The following ST6GALNAC3 variants were observed in gnomAD, a reference collection of about 807,000 sequenced individuals.
ST6GALNAC3 encodes the protein ST6 N-acetylgalactosaminide alpha-2,6-sialyltransferase 3.
ST6GALNAC3 carries 25 observed loss-of-function variants against 32.7 expected under a neutral mutation model. The observed-to-expected ratio is 0.76, with a 90% CI of 0.56 to 1.07. The LOEUF (loss-of-function observed/expected upper bound fraction) is 1.07. Ranked by LOEUF, ST6GALNAC3 falls within the 50% of genes least tolerant of loss-of-function variation. The pLI, the probability that ST6GALNAC3 is intolerant of heterozygous loss-of-function variation, is 0.00. For missense variants in ST6GALNAC3, 355 were observed against 382.4 expected (o/e 0.93, Z 0.60); for synonymous variants, 129 against 133.1 (o/e 0.97, Z 0.21).
At chr1:76,258,600 G>A (rs1313929948) in intron 1 of ST6GALNAC3, among the ~76,000 whole-genome samples, 4 of 152,128 alleles carry the variant, frequency 2.6e-5, no homozygotes, top group African/African-American at 7.2e-5. Flanking sequence ...TCAGAGGTTT[G>A]GAGTTTGCTC....
At chr1:76,330,944 G>A (rs184095532) in intron 2 of ST6GALNAC3, among the ~76,000 whole-genome samples, 1 of 152,302 alleles carries the variant, frequency 6.6e-6, no homozygotes, top group East Asian at 1.9e-4. Flanking sequence ...CCTTTTGCCT[G>A]TGGTATCCAA....
chr1:76,237,049 G>A (rs1330210717), intron 1 of ST6GALNAC3, among the ~76,000 whole-genome samples: 2 of 152,148 alleles, frequency 1.3e-5, no homozygotes, highest in African/African-American at 4.8e-5. Flanking sequence ...AAGGGGATAG[G>A]CCACGGGGCC....
intron 3 of ST6GALNAC3, among the ~76,000 whole-genome samples, chr1:76,592,860 A>G (rs931991996): frequency 6.6e-6 from 1 of 152,198 alleles, no homozygotes; most frequent in Admixed American, 6.5e-5. Flanking sequence ...AGAGGAGAGG[A>G]TGTGTGCCTT....
intron 1 of ST6GALNAC3, among the ~76,000 whole-genome samples, chr1:76,262,508 T>G (rs1658297132): frequency 6.6e-6 from 1 of 152,196 alleles, no homozygotes; most frequent in African/African-American, 2.4e-5. Context: ...CTTTCTATGA[T>G]GTTGATATTT....
intron 1 of ST6GALNAC3, among the ~76,000 whole-genome samples, chr1:76,149,131 A>C (rs142427543): frequency 2.4e-4 from 36 of 152,320 alleles, no homozygotes; most frequent in Middle Eastern, 3.4e-3. Flanking sequence ...AGATTTGCTG[A>C]TGCTGCTGCT....
chr1:76,431,979 G>A (rs1377396591), intron 3 of ST6GALNAC3, among the ~76,000 whole-genome samples: 1 of 152,048 alleles, frequency 6.6e-6, no homozygotes, highest in Non-Finnish European at 1.5e-5. Context: ...TCTCTGCTCT[G>A]TCTATTCATC....
chr1:76,125,495 C>T (rs749891832), intron 1 of ST6GALNAC3, among the ~76,000 whole-genome samples: 11 of 152,182 alleles, frequency 7.2e-5, no homozygotes, highest in Non-Finnish European at 1.5e-4. Flanking sequence ...CCCCTCTGCT[C>T]CTCTTCCCTG....
chr1:76,576,950 C>G (rs41291518), intron 3 of ST6GALNAC3: 37,753 of 1,274,874 alleles, frequency 0.03, 618 homozygotes, highest in East Asian at 0.066. Flanking sequence ...AAGAAAGAAA[C>G]AAACAAACAA....
chr1:76,267,037 GC>G lies in ST6GALNAC3; in HGVS notation c.19-46766del, dbSNP rs539527227. On this transcript the variant is annotated intron_variant, in intron 1 of 4. Transcript: ENST00000328299. ...GCCAATGTGAAGTCCCTCTGCTCCA[GC>G]CAGCTTCCCAACCTTGGCCAAGTGC... 3.4e-3 allele frequency among the ~76,000 whole-genome samples: 512 copies of G among 152,322 alleles called. 2 individuals are homozygous for G. The highest frequency in any genetic ancestry group is 0.01 in the Middle Eastern group (3 of 294).
At chr1:76,497,089 C>G (rs758279265) in intron 3 of ST6GALNAC3, among the ~76,000 whole-genome samples, 15 of 152,090 alleles carry the variant, frequency 9.9e-5, no homozygotes, top group Non-Finnish European at 1.8e-4. Flanking sequence ...CTGCTTTCTT[C>G]GGGAGAGCTG....
intron 3 of ST6GALNAC3, among the ~76,000 whole-genome samples, chr1:76,598,657 T>G (rs1170034016): frequency 6.6e-6 from 1 of 152,122 alleles, no homozygotes; most frequent in Non-Finnish European, 1.5e-5. Flanking sequence ...TACTGATGTC[T>G]TCTATATTCG....
At chr1:76,087,362 C>T (rs1429160715) in intron 1 of ST6GALNAC3, among the ~76,000 whole-genome samples, 2 of 152,072 alleles carry the variant, frequency 1.3e-5, no homozygotes, top group Non-Finnish European at 2.9e-5. Flanking sequence ...TGACCTTTTC[C>T]CCACTTATCT....
chr1:76,488,985 T>C lies in ST6GALNAC3; in HGVS notation c.623+76568T>C, dbSNP rs75119816. Among the ~76,000 whole-genome samples the C allele has an allele frequency of 3.5e-3, 539 of 152,310 alleles. 7 individuals are homozygous for C. Among genetic ancestry groups the C allele is most frequent in the African/African-American group, 0.012 (516 of 41,574 alleles). On this transcript the variant is annotated intron_variant, in intron 3 of 4. Coordinates refer to ENST00000328299, the MANE Select transcript of ST6GALNAC3 (RefSeq NM_152996.4). The stretch of plus-strand genomic sequence containing the variant: ...CTATTCCAGTCAGAATTTCAGCATT[T>C]CTGGAAGCAATTGCTTGTTTGCTTA...
chr1:76,332,518 T>C (rs1326085262), intron 2 of ST6GALNAC3, among the ~76,000 whole-genome samples: 2 of 152,176 alleles, frequency 1.3e-5, no homozygotes, highest in Non-Finnish European at 2.9e-5. Flanking sequence ...CAATACTACT[T>C]CCTTGGAAAG....
At chr1:76,432,932 G>A (rs1655874134) in intron 3 of ST6GALNAC3, among the ~76,000 whole-genome samples, 1 of 152,124 alleles carries the variant, frequency 6.6e-6, no homozygotes, top group Admixed American at 6.5e-5. Context: ...CGGTTTTGAG[G>A]ATGAAATGTG....
intron 3 of ST6GALNAC3, among the ~76,000 whole-genome samples, chr1:76,525,805 A>ATACATATATATATATATACG (rs1557528963): frequency 2.4e-5 from 2 of 83,094 alleles, no homozygotes; most frequent in African/African-American, 9.1e-5. Flanking sequence ...ATATATATAT[A>ATACATATATATATATATACG]TATATATATA....
chr1:76,547,168 G>A (rs907076382), intron 3 of ST6GALNAC3, among the ~76,000 whole-genome samples: 3 of 152,192 alleles, frequency 2.0e-5, no homozygotes, highest in African/African-American at 4.8e-5. Flanking sequence ...CTCTGCCTAC[G>A]CAGGTGCTTA....
chr1:76,481,291 G>A (rs1659704948), intron 3 of ST6GALNAC3, among the ~76,000 whole-genome samples: 1 of 152,162 alleles, frequency 6.6e-6, no homozygotes, highest in Non-Finnish European at 1.5e-5. Flanking sequence ...AGAAACTGGA[G>A]AATTTTCTTT....
intron 1 of ST6GALNAC3, among the ~76,000 whole-genome samples, chr1:76,109,600 A>C (rs1242339486): frequency 1.3e-5 from 2 of 152,218 alleles, no homozygotes; most frequent in East Asian, 3.9e-4. Flanking sequence ...AAGCATGTGA[A>C]GACCAGCTTC....
Sources: allele counts gnomAD v4.1 joint callset (sites outside exome capture counted in the v4.1 genomes callset), GRCh38; gene constraint gnomAD v4.1.1; transcripts MANE v1.5; gene names NCBI Gene and HGNC (gene_info 2026-07-23, HGNC 2026-07-21).